DLGAP1: variants seen among roughly 807,000 people sequenced by gnomAD.
DLGAP1 encodes DLG associated protein 1, also known as disks large-associated protein 1.
DLGAP1 carries 11 observed loss-of-function variants against 90.8 expected under a neutral mutation model. The observed-to-expected ratio is 0.12, with a 90% confidence interval of 0.08 to 0.20. The LOEUF (loss-of-function observed/expected upper bound fraction) is 0.20, where lower values mean the gene tolerates loss of function less well. Ranked by LOEUF, DLGAP1 falls within the 10% of genes least tolerant of loss-of-function variation. The probability of loss-of-function intolerance (pLI) is 1.00; values close to 1 mark genes in which losing one functional copy is unlikely to be tolerated. For synonymous variants in DLGAP1, 558 were observed against 540.7 expected, an observed-to-expected ratio of 1.03 and a Z score of -0.44; for missense variants, 1,050 against 1,333.8, an observed-to-expected ratio of 0.79 and a Z score of 3.31.
At chr18:3,638,182 C>T (rs1193037977) in intron 7 of DLGAP1, among the ~76,000 whole-genome samples, 2 of 151,078 alleles carry the variant, frequency 1.3e-5, no homozygotes, top group Non-Finnish European at 2.9e-5. Flanking sequence ...CTCCTGACCT[C>T]ATGATCCGCC....
intron 3 of DLGAP1, among the ~76,000 whole-genome samples, chr18:3,954,272 TA>T (rs1407885931): frequency 6.6e-6 from 1 of 152,208 alleles, no homozygotes; most frequent in Non-Finnish European, 1.5e-5. Context: ...CATAATAAAT[TA>T]GAACTATGTT....
chr18:4,217,258 T>C (rs2077977103), intron 1 of DLGAP1, among the ~76,000 whole-genome samples: 2 of 152,158 alleles, frequency 1.3e-5, no homozygotes, highest in South Asian at 2.1e-4. Context: ...TCTATTTTTG[T>C]ACCACAGTTT....
intron 1 of DLGAP1, among the ~76,000 whole-genome samples, chr18:4,317,585 TG>T (rs2080564144): frequency 6.6e-6 from 1 of 152,224 alleles, no homozygotes. Context: ...CACTCTTTCA[TG>T]AATAACTGTT....
At chr18:4,310,566 C>T (rs1279456209) in intron 1 of DLGAP1, among the ~76,000 whole-genome samples, 2 of 152,118 alleles carry the variant, frequency 1.3e-5, no homozygotes, top group Non-Finnish European at 1.5e-5. Flanking sequence ...ACCTTGAACA[C>T]ATCTTTAGCA....
intron 7 of DLGAP1, among the ~76,000 whole-genome samples, chr18:3,675,311 G>T (rs774782873): frequency 6.6e-6 from 1 of 152,148 alleles, no homozygotes; most frequent in African/African-American, 2.4e-5. Context: ...CTGACCTCAG[G>T]TAATCCGCCG....
intron 4 of DLGAP1, among the ~76,000 whole-genome samples, chr18:3,817,144 A>T (rs932477490): frequency 6.6e-6 from 1 of 152,152 alleles, no homozygotes; most frequent in East Asian, 1.9e-4. Flanking sequence ...CGCACACCAC[A>T]CTTGCTATTT....
At chr18:3,886,677 G>A (rs2148845845) in intron 3 of DLGAP1, among the ~76,000 whole-genome samples, 1 of 152,216 alleles carries the variant, frequency 6.6e-6, no homozygotes, top group South Asian at 2.1e-4. Context: ...CCTGCCAGAA[G>A]CTTGTCCATG....
chr18:4,335,524 G>GA (rs2081050852), intron 1 of DLGAP1, among the ~76,000 whole-genome samples: 1 of 150,342 alleles, frequency 6.7e-6, no homozygotes, highest in Non-Finnish European at 1.5e-5. Flanking sequence ...ACCGGTCATT[G>GA]AAAATGCAGA....
chr18:4,026,084 G>A (rs936041781), intron 2 of DLGAP1, among the ~76,000 whole-genome samples: 4 of 152,168 alleles, frequency 2.6e-5, no homozygotes, highest in African/African-American at 9.7e-5. Context: ...GGTTCTTGCG[G>A]CAGCAATAAT....
At chr18:4,219,909 A>G (rs2078039897) in intron 1 of DLGAP1, among the ~76,000 whole-genome samples, 1 of 152,112 alleles carries the variant, frequency 6.6e-6, no homozygotes. Context: ...GAAGTCAGGT[A>G]GTGTGATTCC....
chr18:4,082,275 G>A (rs1004000733), intron 2 of DLGAP1, among the ~76,000 whole-genome samples: 3 of 149,394 alleles, frequency 2.0e-5, no homozygotes, highest in Non-Finnish European at 4.4e-5. Flanking sequence ...CTGGGAGGGG[G>A]AGGTTGCAGT....
intron 8 of DLGAP1, among the ~76,000 whole-genome samples, chr18:3,577,151 G>A (rs2055204864): frequency 6.6e-6 from 1 of 152,056 alleles, no homozygotes; most frequent in Non-Finnish European, 1.5e-5. Flanking sequence ...GTGCGCCACC[G>A]TGCCTGGCCC....
intron 2 of DLGAP1, among the ~76,000 whole-genome samples, chr18:4,085,693 TC>T (rs1339864937): frequency 2.0e-5 from 3 of 152,214 alleles, no homozygotes; most frequent in Admixed American, 2.0e-4. Flanking sequence ...CTGCTTGAGT[TC>T]CGTCTTTGTC....
intron 7 of DLGAP1, chr18:3,655,969 G>A: frequency 1.0e-6 from 1 of 968,626 alleles, no homozygotes; most frequent in Non-Finnish European, 1.5e-6. Flanking sequence ...AATGGCAATA[G>A]CTGGCAATTC....
At chr18:4,032,909 C>G (rs564992310) in intron 2 of DLGAP1, among the ~76,000 whole-genome samples, 2 of 152,118 alleles carry the variant, frequency 1.3e-5, no homozygotes, top group African/African-American at 4.8e-5. Context: ...GTGGCTGGGT[C>G]TTAGTTGGTG....
At chr18:3,764,877 G>T (rs9963541) in intron 5 of DLGAP1, among the ~76,000 whole-genome samples, 32,365 of 151,978 alleles carry the variant, frequency 0.21, 4,153 homozygotes, top group East Asian at 0.54. Context: ...GTTGAGCTTA[G>T]GTGAGTGGCG....
At chr18:3,628,533 G>A (rs1380710295) in intron 7 of DLGAP1, among the ~76,000 whole-genome samples, 6 of 152,054 alleles carry the variant, frequency 3.9e-5, no homozygotes, top group South Asian at 4.2e-4. Context: ...AAACCACCAC[G>A]TAGGCCAAGC....
At chr18:4,243,741 A>G (rs911004577) in intron 1 of DLGAP1, among the ~76,000 whole-genome samples, 5 of 152,184 alleles carry the variant, frequency 3.3e-5, no homozygotes, top group Admixed American at 6.5e-5. Context: ...AATGTTTACT[A>G]ATTTTGAAAT....
intron 1 of DLGAP1, among the ~76,000 whole-genome samples, chr18:4,200,561 ATATT>A (rs1213684546): frequency 6.6e-6 from 1 of 151,550 alleles, no homozygotes; most frequent in Non-Finnish European, 1.5e-5. Context: ...TTTATACCTA[ATATT>A]TAGAGGAATA....
Sources: gnomAD v4.1 joint callset for allele counts (sites outside exome capture counted in the v4.1 genomes callset) on GRCh38, gnomAD v4.1.1 for gene constraint, MANE v1.5 for transcripts, NCBI Gene and HGNC (gene_info 2026-07-23, HGNC 2026-07-21) for gene names.